Variants in TEX9 observed in about 807,000 individuals in gnomAD.
The protein encoded by TEX9 is testis expressed 9, also known as testis-expressed protein 9.
A neutral mutation model predicts 59.6 loss-of-function variants in TEX9; 74 were observed. That is an observed-to-expected ratio of 1.24 (90% CI 1.03 to 1.51). The LOEUF (loss-of-function observed/expected upper bound fraction) is 1.51. Ranked by LOEUF, TEX9 falls within the 40% of genes most tolerant of loss-of-function variation. The pLI, the probability that TEX9 is intolerant of heterozygous loss-of-function variation, is 0.00. For synonymous variants in TEX9, 186 were observed against 152.2 expected, an observed-to-expected ratio of 1.22 and a Z score of -1.64; for missense variants, 522 against 447.8, an observed-to-expected ratio of 1.17 and a Z score of -1.49.
At chr15:56,348,174 T>G (rs1475890309) in intron 1 of TEX9, among the ~76,000 whole-genome samples, 7 of 152,066 alleles carry the variant, frequency 4.6e-5, no homozygotes, top group African/African-American at 1.7e-4. Flanking sequence ...TTCTTACAAC[T>G]CAATGTGAAT....
At chr15:56,458,019 T>G in the TEX9 span, among the ~76,000 whole-genome samples, 2 of 152,212 alleles carry the variant, frequency 1.3e-5, no homozygotes, top group Admixed American at 6.5e-5. Context: ...ACATCCATAC[T>G]ATGGGATACT....
At chr15:56,319,273 G>GACTGTATT (rs1257209058) in intron 1 of TEX9, among the ~76,000 whole-genome samples, 2 of 151,592 alleles carry the variant, frequency 1.3e-5, no homozygotes, top group Non-Finnish European at 2.9e-5. Context: ...TCATTACTAA[G>GACTGTATT]ACTGTATTAC....
At chr15:56,427,042 C>T (rs546081955) in intron 10 of TEX9, among the ~76,000 whole-genome samples, 2 of 152,154 alleles carry the variant, frequency 1.3e-5, no homozygotes, top group East Asian at 3.9e-4. Context: ...TTTGAGGGCT[C>T]TGTTTTTCTA....
chr15:56,451,572 A>G, the TEX9 span, among the ~76,000 whole-genome samples: 1 of 152,132 alleles, frequency 6.6e-6, no homozygotes, highest in African/African-American at 2.4e-5. Context: ...TATCAGTCCA[A>G]TCCTGCAACT....
chr15:56,281,625 A>G (rs2044822656), intron 1 of TEX9, among the ~76,000 whole-genome samples: 1 of 152,214 alleles, frequency 6.6e-6, no homozygotes, highest in Non-Finnish European at 1.5e-5. Context: ...TTTGGGGACC[A>G]CTGGTTTAAG....
chr15:56,319,732 C>A (rs1430784195), intron 1 of TEX9, among the ~76,000 whole-genome samples: 1 of 152,104 alleles, frequency 6.6e-6, no homozygotes, highest in African/African-American at 2.4e-5. Flanking sequence ...ATGATCAATT[C>A]CCAGGATGAG....
At chr15:56,288,267 G>C (rs1374682781) in intron 1 of TEX9, among the ~76,000 whole-genome samples, 6 of 150,724 alleles carry the variant, frequency 4.0e-5, no homozygotes, top group African/African-American at 1.5e-4. Context: ...GCATTTCTTT[G>C]GTGATTTTTT....
At chr15:56,274,261 G>T (rs1273028548) in intron 1 of TEX9, among the ~76,000 whole-genome samples, 1 of 152,024 alleles carries the variant, frequency 6.6e-6, no homozygotes, top group African/African-American at 2.4e-5. Context: ...TGTTTTGAGT[G>T]CATTGAAAGT....
intron 3 of TEX9, among the ~76,000 whole-genome samples, chr15:56,381,511 A>C (rs2047725096): frequency 6.6e-6 from 1 of 152,190 alleles, no homozygotes; most frequent in East Asian, 1.9e-4. Flanking sequence ...TAGTCTTCAC[A>C]GTCTGGGTTT....
chr15:56,274,365 T>C (rs1230695302), intron 1 of TEX9, among the ~76,000 whole-genome samples: 2 of 152,202 alleles, frequency 1.3e-5, no homozygotes, highest in African/African-American at 2.4e-5. Flanking sequence ...TTTTTGTGCA[T>C]GTTGTTAATT....
intron 1 of TEX9, among the ~76,000 whole-genome samples, chr15:56,283,539 C>G (rs1366837226): frequency 1.3e-5 from 2 of 152,014 alleles, no homozygotes. Context: ...TATGTTGGAG[C>G]AATTGTTTAG....
chr15:56,401,320 A>AC (rs2048764018), intron 9 of TEX9, among the ~76,000 whole-genome samples: 1 of 150,052 alleles, frequency 6.7e-6, no homozygotes, highest in Non-Finnish European at 1.5e-5. Flanking sequence ...AAAAAAAAAA[A>AC]AAAAAAAAAA....
chr15:56,388,584 T>G, intron 5 of TEX9, 64 bp downstream of exon 5: 1 of 1,426,704 alleles, frequency 7.0e-7, no homozygotes, highest in Non-Finnish European at 9.9e-7. Flanking sequence ...TTTTTTAGAC[T>G]TTTCTTAGAC....
At chr15:56,317,176 C>G (rs1360702895) in intron 1 of TEX9, among the ~76,000 whole-genome samples, 4 of 152,212 alleles carry the variant, frequency 2.6e-5, no homozygotes, top group African/African-American at 9.6e-5. Flanking sequence ...GGCTCCTCCC[C>G]CCTTGTGGGA....
chr15:56,394,692 T>G lies in TEX9; in HGVS notation c.686T>G (p.Val229Gly). The G allele has an allele frequency of 1.2e-6, 2 of 1,605,814 alleles. No homozygotes were observed. The highest frequency in any genetic ancestry group is 1.9e-4 in the Middle Eastern group (1 of 5,266). Residue 229 changes from valine to glycine, a missense_variant, in exon 9 of 13, where the codon GTA (valine) becomes GGA (glycine). Val to Gly is a moderately radical substitution (Grantham distance 109). Coordinates refer to ENST00000352903, the Ensembl canonical transcript of TEX9. The stretch of plus-strand genomic sequence containing the variant: ...GAAATTCAGAATTTAAAGTCTCAAG[T>G]AAAAAATTTTGAAGAAGATTTTATG...
At chr15:56,245,527 G>A (rs1349973429) in intron 1 of TEX9, among the ~76,000 whole-genome samples, 2 of 152,216 alleles carry the variant, frequency 1.3e-5, no homozygotes, top group African/African-American at 4.8e-5. Flanking sequence ...TCATGTGGGT[G>A]TGTAAAGACA....
intron 12 of TEX9, chr15:56,428,814 A>G (rs2050454685): frequency 2.8e-6 from 1 of 362,598 alleles, no homozygotes; most frequent in Admixed American, 4.4e-5. Flanking sequence ...ACTTTGGGGT[A>G]GAGTTCTGTA....
intron 1 of TEX9, among the ~76,000 whole-genome samples, chr15:56,266,218 C>T (rs1454459602): frequency 1.3e-5 from 2 of 151,868 alleles, no homozygotes; most frequent in African/African-American, 2.4e-5. Flanking sequence ...CCTCCACTGC[C>T]TGGGTTTAAG....
intron 9 of TEX9, 144 bp downstream of exon 9, chr15:56,394,978 T>G (rs1278145472): frequency 1.3e-6 from 1 of 788,766 alleles, no homozygotes; most frequent in African/African-American, 1.8e-5. Flanking sequence ...TAGAATATTT[T>G]TAACAACTTT....
Sources: allele counts gnomAD v4.1 joint callset (sites outside exome capture counted in the v4.1 genomes callset), GRCh38; gene constraint gnomAD v4.1.1; transcripts MANE v1.5; gene names NCBI Gene and HGNC (gene_info 2026-07-23, HGNC 2026-07-21).